SFMBT2: variants seen among roughly 807,000 people sequenced by gnomAD.
SFMBT2 encodes the protein Scm like with four mbt domains 2.
SFMBT2 carries 38 observed loss-of-function variants against 110.1 expected under a neutral mutation model. That is an observed-to-expected ratio of 0.35 (90% CI 0.27 to 0.45). The LOEUF (loss-of-function observed/expected upper bound fraction) is 0.45, where lower values mean the gene tolerates loss of function less well. Ranked by LOEUF, SFMBT2 falls within the 20% of genes least tolerant of loss-of-function variation. The pLI is 1.00. For missense variants in SFMBT2, 1,011 were observed against 1,094.9 expected (o/e 0.92, Z 1.08); for synonymous variants, 425 against 425.4 (o/e 1.00, Z 0.01).
chr10:7,187,093 A>G (rs1336969546), intron 16 of SFMBT2, among the ~76,000 whole-genome samples: 7 of 152,258 alleles, frequency 4.6e-5, no homozygotes, highest in Non-Finnish European at 8.8e-5. Flanking sequence ...AAACTAGTGC[A>G]AACACTTGCA....
intron 7 of SFMBT2, among the ~76,000 whole-genome samples, chr10:7,268,842 A>AT (rs1406238988): frequency 1.3e-5 from 2 of 152,180 alleles, no homozygotes; most frequent in Non-Finnish European, 2.9e-5. Flanking sequence ...TCTTAAGTTG[A>AT]TTTTTAAAAG....
At chr10:7,401,133 A>T (rs957876625) in intron 1 of SFMBT2, among the ~76,000 whole-genome samples, 5 of 150,116 alleles carry the variant, frequency 3.3e-5, no homozygotes, top group African/African-American at 9.8e-5. Flanking sequence ...ACTCCGTCAT[A>T]AAAAAAAAAT....
At chr10:7,398,284 TA>T (rs1218761575) in intron 1 of SFMBT2, among the ~76,000 whole-genome samples, 1 of 152,148 alleles carries the variant, frequency 6.6e-6, no homozygotes, top group East Asian at 1.9e-4. Flanking sequence ...CCCAAGAGCA[TA>T]AGGTGAACAA....
At chr10:7,353,932 A>G (rs141020087) in intron 4 of SFMBT2, among the ~76,000 whole-genome samples, 1 of 151,934 alleles carries the variant, frequency 6.6e-6, no homozygotes, top group African/African-American at 2.4e-5. Context: ...CTAAATATAC[A>G]AAAAATTAGC....
intron 15 of SFMBT2, among the ~76,000 whole-genome samples, chr10:7,194,736 T>C (rs1253046859): frequency 6.6e-6 from 1 of 152,232 alleles, no homozygotes; most frequent in Admixed American, 6.5e-5. Context: ...TTGTTTTGTT[T>C]TTCTTTCTTC....
chr10:7,228,826 T>TG (rs1402905127), intron 9 of SFMBT2, among the ~76,000 whole-genome samples: 1 of 150,174 alleles, frequency 6.7e-6, no homozygotes, highest in African/African-American at 2.5e-5. Context: ...ACTTCATTTT[T>TG]GGGGGGAAGA....
intron 7 of SFMBT2, among the ~76,000 whole-genome samples, chr10:7,264,421 T>C (rs6602233): frequency 0.56 from 85,664 of 151,966 alleles, 24,300 homozygotes; most frequent in East Asian, 0.82. Flanking sequence ...ACTGGGTATT[T>C]TACGGAAGTA....
intron 16 of SFMBT2, 116 bp downstream of exon 16, chr10:7,188,500 AGAACGAAC>A (rs1345786589): frequency 4.3e-6 from 3 of 697,226 alleles, no homozygotes; most frequent in Non-Finnish European, 6.9e-6. Flanking sequence ...ATAGAACTGC[AGAACGAAC>A]GTCCTTCAGT....
chr10:7,242,184 A>C (rs1840452433), intron 9 of SFMBT2, among the ~76,000 whole-genome samples: 2 of 152,300 alleles, frequency 1.3e-5, no homozygotes, highest in African/African-American at 2.4e-5. Flanking sequence ...CCCCAAGGCC[A>C]TATTAAAGGG....
intron 11 of SFMBT2, among the ~76,000 whole-genome samples, chr10:7,210,470 G>C (rs1423141019): frequency 6.6e-6 from 1 of 152,206 alleles, no homozygotes; most frequent in Non-Finnish European, 1.5e-5. Context: ...AGGCAAATGG[G>C]TTCCACCTCC....
chr10:7,399,264 G>A (rs573458398), intron 1 of SFMBT2, among the ~76,000 whole-genome samples: 1 of 151,716 alleles, frequency 6.6e-6, no homozygotes, highest in Non-Finnish European at 1.5e-5. Flanking sequence ...ACGGAGTCTC[G>A]CTCTGTCACC....
intron 7 of SFMBT2, chr10:7,249,589 T>C (rs1188980979): frequency 2.0e-6 from 2 of 980,042 alleles, no homozygotes; most frequent in Admixed American, 1.2e-4. Context: ...CCTGTTACTT[T>C]CTTTTACCTG....
At chr10:7,234,819 C>T (rs1271771210) in intron 9 of SFMBT2, among the ~76,000 whole-genome samples, 1 of 152,126 alleles carries the variant, frequency 6.6e-6, no homozygotes, top group South Asian at 2.1e-4. Flanking sequence ...CCTGAAAGAG[C>T]CCTGAAAGCC....
At chr10:7,214,672 G>A (rs1286000683) in intron 11 of SFMBT2, 1 of 985,470 alleles carries the variant, frequency 1.0e-6, no homozygotes, top group African/African-American at 1.7e-5. Context: ...AGTGTGGAAT[G>A]TGAAGTTCGT....
chr10:7,186,745 G>A (rs1369675926), intron 16 of SFMBT2, among the ~76,000 whole-genome samples: 1 of 152,170 alleles, frequency 6.6e-6, no homozygotes, highest in African/African-American at 2.4e-5. Context: ...AAATAGCAAA[G>A]TTGTCAAGAT....
At chr10:7,348,437 T>TA in intron 4 of SFMBT2, 2 of 949,142 alleles carry the variant, frequency 2.1e-6, no homozygotes. Context: ...AATATGTCAT[T>TA]AAGGGCTTTT....
intron 1 of SFMBT2, among the ~76,000 whole-genome samples, chr10:7,403,208 C>A (rs771354173): frequency 6.6e-6 from 1 of 152,130 alleles, no homozygotes; most frequent in Non-Finnish European, 1.5e-5. Context: ...CTAGTCTTAC[C>A]CCATTTCAAA....
chr10:7,236,619 GT>G (rs568823730), intron 9 of SFMBT2, among the ~76,000 whole-genome samples: 469 of 152,218 alleles, frequency 3.1e-3, no homozygotes, highest in South Asian at 9.5e-3. Flanking sequence ...AAATAAGATA[GT>G]TTTCCTTCCT....
Position 7,285,942 on chromosome 10 carries a change from T to G in SFMBT2, c.449A>C (p.Lys150Thr), listed in dbSNP as rs559523221. The G allele has an allele frequency of 1.1e-6, 1 of 871,344 alleles. No individual in the cohort carries two copies. 54.0% of individuals were successfully genotyped at this position (871,344 alleles called of 1,614,324 possible). Residue 150 changes from lysine to threonine, a missense_variant, in exon 5 of 21, where the codon AAG becomes ACG. Around this residue, in one of 2 missense-constraint regions of SFMBT2, gnomAD observed 979 missense variants for 1,016.1 expected, o/e 0.96. Transcript: ENST00000397167. ...VLMPPDAIKE[K>T]YTDWTEFLIR... ...GAGAAATTCTGTCCAGTCTGTGTACTTCTCTTTGATTGCTGGCAAGACAAA... is the reference window on the plus strand; with the variant it reads ...GAGAAATTCTGTCCAGTCTGTGTACGTCTCTTTGATTGCTGGCAAGACAAA...
Sources: allele counts gnomAD v4.1 joint callset (sites outside exome capture counted in the v4.1 genomes callset), GRCh38; gene constraint gnomAD v4.1.1; regional missense constraint gnomAD v4.1.1; transcripts MANE v1.5; gene names NCBI Gene and HGNC (gene_info 2026-07-23, HGNC 2026-07-21).